USP15: variants seen among roughly 807,000 people sequenced by gnomAD.
The protein encoded by USP15 is ubiquitin carboxyl-terminal hydrolase 15.
In USP15, 18 loss-of-function variants were observed where a neutral mutation model predicts 127.1. That is an observed-to-expected ratio of 0.14 (90% CI 0.10 to 0.21). The LOEUF is 0.21. USP15 is among the 10% of genes least tolerant of loss of function. The pLI is 1.00. For synonymous variants in USP15, 364 were observed against 393.7 expected (o/e 0.92, Z 0.89); for missense variants, 805 against 1,159.9 (o/e 0.69, Z 4.44).
Position 62,393,040 on chromosome 12 carries a change from T to A in USP15, c.2421-13T>A, listed in dbSNP as rs781742045. ...ACCTCTATCAAGTGTTAAATACTTC[T>A]GTTTATTCTTAGGTATTGTCCGAAT... is the stretch of plus-strand genomic sequence containing the variant. On this transcript the variant is annotated splice_polypyrimidine_tract_variant and intron_variant, in intron 18 of 21. Transcript: ENST00000280377. The A allele has an allele frequency of 1.2e-6, 2 of 1,612,512 alleles. No individual in the cohort carries two copies. Among genetic ancestry groups the A allele is most frequent in the South Asian group, 2.2e-5 (2 of 90,712 alleles).
chr12:62,329,445 A>G (rs371773899), intron 6 of USP15, among the ~76,000 whole-genome samples: 1 of 152,230 alleles, frequency 6.6e-6, no homozygotes, highest in East Asian at 1.9e-4. Context: ...ATAGAACATA[A>G]TGTTCAAATT....
At position 62,355,451 on chromosome 12, in the gene USP15, G is replaced by A. The variant is rs778616190; in HGVS notation, c.891G>A (p.Thr297=). The change falls in exon 8 of 22, where the codon ACG becomes ACA. Residue 297 remains threonine, a synonymous_variant. Transcript: ENST00000280377. ...GTGGCCTAAGTAACTTGGGAAATAC[G>A]TGTTTCATGAACTCAGCTATTCAGG... ...GLCGLSNLGN[T]CFMNSAIQCL... 3.7e-6 allele frequency: 6 copies of A among 1,603,994 alleles called. No individual in the cohort carries two copies. Among genetic ancestry groups the A allele is most frequent in the African/African-American group, 2.7e-5 (2 of 74,484 alleles).
At chr12:62,271,271 T>G (rs1374482989) in intron 1 of USP15, among the ~76,000 whole-genome samples, 1 of 152,076 alleles carries the variant, frequency 6.6e-6, no homozygotes. Context: ...AATAATTATT[T>G]ATGAGTCTTT....
At chr12:62,401,653 G>T (rs10160868) in intron 21 of USP15, among the ~76,000 whole-genome samples, 33,991 of 151,650 alleles carry the variant, frequency 0.22, 4,152 homozygotes, top group African/African-American at 0.34. Flanking sequence ...TACCGTACCT[G>T]TGATCTTTAA....
In USP15 at chr12:62,411,264, T is replaced by C. The variant is rs188068021; in HGVS notation, c.*6889T>C. The C allele has an allele frequency of 6.6e-6, 1 of 152,364 alleles. No individual in the cohort carries two copies. The highest frequency in any genetic ancestry group is 1.9e-4 in the East Asian group (1 of 5,182). 9.4% of individuals were successfully genotyped at this position (152,364 alleles called of 1,614,324 possible). ...CACTACATCCTCTTGCTCTTTCTCATTTTTACTCTTTAACTGGCTCCTCAC... is the reference window on the plus strand; with the variant it reads ...CACTACATCCTCTTGCTCTTTCTCACTTTTACTCTTTAACTGGCTCCTCAC... On this transcript the variant is annotated 3_prime_UTR_variant, in exon 22 of 22. Coordinates refer to ENST00000280377, the MANE Select transcript of USP15 (RefSeq NM_001252078.2).
intron 1 of USP15, among the ~76,000 whole-genome samples, chr12:62,292,576 G>A (rs866902497): frequency 6.6e-6 from 1 of 152,186 alleles, no homozygotes; most frequent in Admixed American, 6.5e-5. Context: ...GGGTGGAGGG[G>A]GAGGAGAAGT....
intron 6 of USP15, among the ~76,000 whole-genome samples, chr12:62,347,507 A>G (rs1195736021): frequency 1.3e-5 from 2 of 151,972 alleles, no homozygotes; most frequent in Non-Finnish European, 2.9e-5. Flanking sequence ...AATGAATTAC[A>G]TTTTAAAAAA....
intron 21 of USP15, among the ~76,000 whole-genome samples, chr12:62,401,718 A>C (rs1020952306): frequency 6.6e-6 from 1 of 151,786 alleles, no homozygotes; most frequent in Non-Finnish European, 1.5e-5. Flanking sequence ...TAATTAGATA[A>C]AACAAATTAC....
Position 62,404,964 on chromosome 12 carries a change from TTCCCTTTGTAA to T in USP15, c.*591_*601del, listed in dbSNP as rs1157447365. 4 of 152,106 alleles carry T rather than the reference TTCCCTTTGTAA, an allele frequency of 2.6e-5. No individual in the cohort carries two copies. Among genetic ancestry groups the T allele is most frequent in the Non-Finnish European group, 5.9e-5 (4 of 67,976 alleles). The allele number at this position is 152,106 out of a possible 1,614,324, so 9.4% of individuals were successfully genotyped here. A position where few individuals can be genotyped will look rare whatever the true frequency, so the allele number is the denominator to read the frequency against. ...CAAGAAACAACCTTGGAAAAGTTAT[TTCCCTTTGTAA>T]TACCTTTAAAAATCCAGAGTATTAT... On this transcript the variant is annotated 3_prime_UTR_variant, in exon 22 of 22. Coordinates refer to ENST00000280377, the MANE Select transcript of USP15 (RefSeq NM_001252078.2).
At chr12:62,386,740 G>A (rs1056443434) in intron 11 of USP15, among the ~76,000 whole-genome samples, 3 of 152,072 alleles carry the variant, frequency 2.0e-5, no homozygotes, top group South Asian at 2.1e-4. Context: ...AACTAGGGAA[G>A]CCATTAAAGA....
At chr12:62,337,656 G>A (rs192496308) in intron 6 of USP15, among the ~76,000 whole-genome samples, 1 of 150,832 alleles carries the variant, frequency 6.6e-6, no homozygotes, top group East Asian at 2.0e-4. Context: ...ACAGGCCCTG[G>A]TGTGTGTTGT....
intron 8 of USP15, among the ~76,000 whole-genome samples, chr12:62,376,663 C>T (rs988095997): frequency 5.9e-5 from 9 of 152,072 alleles, no homozygotes; most frequent in African/African-American, 1.7e-4. Flanking sequence ...TAATCTCTTT[C>T]ATTTGTCATG....
intron 3 of USP15, among the ~76,000 whole-genome samples, chr12:62,305,355 C>G (rs2064452062): frequency 6.6e-6 from 1 of 151,950 alleles, no homozygotes; most frequent in Non-Finnish European, 1.5e-5. Flanking sequence ...AATGATTTCT[C>G]AAGAGAAACC....
At chr12:62,322,407 A>G (rs1017354709) in intron 5 of USP15, among the ~76,000 whole-genome samples, 3 of 152,052 alleles carry the variant, frequency 2.0e-5, no homozygotes, top group Non-Finnish European at 4.4e-5. Context: ...AAGTGCTGGG[A>G]TTACAGGTGT....
chr12:62,388,738 T>C (rs2067233065), intron 11 of USP15, among the ~76,000 whole-genome samples: 1 of 151,938 alleles, frequency 6.6e-6, no homozygotes, highest in Non-Finnish European at 1.5e-5. Context: ...AAACAAGAGT[T>C]AAAAGGAATA....
At chr12:62,290,112 A>G (rs2063915208) in intron 1 of USP15, among the ~76,000 whole-genome samples, 3 of 152,154 alleles carry the variant, frequency 2.0e-5, no homozygotes. Context: ...ATGTTCTGCA[A>G]ATGTCTGCCA....
intron 13 of USP15, 35 bp downstream of exon 13, chr12:62,389,734 G>A: frequency 6.3e-7 from 1 of 1,594,906 alleles, no homozygotes; most frequent in Non-Finnish European, 8.5e-7. Flanking sequence ...AATATTACTT[G>A]AAAAAAAATT....
At chr12:62,273,152 A>C (rs2063385722) in intron 1 of USP15, among the ~76,000 whole-genome samples, 1 of 152,014 alleles carries the variant, frequency 6.6e-6, no homozygotes, top group Non-Finnish European at 1.5e-5. Context: ...TTCTGGCCTT[A>C]GCATGTCATC....
chr12:62,365,473 T>A (rs1592675844), intron 8 of USP15, among the ~76,000 whole-genome samples: 1 of 152,178 alleles, frequency 6.6e-6, no homozygotes, highest in African/African-American at 2.4e-5. Flanking sequence ...GATGGATAGA[T>A]TGCAAAAATT....
Sources: gnomAD v4.1 joint callset for allele counts (sites outside exome capture counted in the v4.1 genomes callset) on GRCh38, gnomAD v4.1.1 for gene constraint, MANE v1.5 for transcripts, NCBI Gene and HGNC (gene_info 2026-07-23, HGNC 2026-07-21) for gene names.